The following DPP6 variants were observed in gnomAD, a reference collection of about 807,000 sequenced individuals.
DPP6 encodes A-type potassium channel modulatory protein DPP6.
In DPP6, 69 loss-of-function variants were observed where a neutral mutation model predicts 122.6. That is an observed-to-expected ratio of 0.56 (90% CI 0.46 to 0.69). The LOEUF (loss-of-function observed/expected upper bound fraction) is 0.69, where lower values mean the gene tolerates loss of function less well. Ranked by LOEUF, DPP6 falls within the 30% of genes least tolerant of loss-of-function variation. The pLI, the probability that DPP6 is intolerant of heterozygous loss-of-function variation, is 0.00. For missense variants in DPP6, 928 were observed against 1,116.9 expected (o/e 0.83, Z 2.41); for synonymous variants, 418 against 433.1 (o/e 0.97, Z 0.43).
chr7:154,841,587 TTTC>T (rs1182101950), intron 16 of DPP6, among the ~76,000 whole-genome samples: 2 of 151,364 alleles, frequency 1.3e-5, no homozygotes, highest in Non-Finnish European at 2.9e-5. Context: ...AACCTTCTCT[TTTC>T]TTCTTTTTTT....
chr7:154,293,799 G>T (rs763260405), intron 1 of DPP6, among the ~76,000 whole-genome samples: 4 of 152,184 alleles, frequency 2.6e-5, no homozygotes, highest in Non-Finnish European at 4.4e-5. Flanking sequence ...ACCTATCTAA[G>T]TGTATCACAT....
At chr7:154,264,271 A>T (rs532738155) in intron 1 of DPP6, among the ~76,000 whole-genome samples, 2 of 152,228 alleles carry the variant, frequency 1.3e-5, no homozygotes, top group Non-Finnish European at 2.9e-5. Context: ...ACAACATGAC[A>T]TGCATACAAT....
intron 1 of DPP6, among the ~76,000 whole-genome samples, chr7:154,377,649 G>C (rs1391997425): frequency 6.6e-6 from 1 of 152,104 alleles, no homozygotes; most frequent in Non-Finnish European, 1.5e-5. Flanking sequence ...TCACCCTCCT[G>C]CTTCACTGTG....
intron 7 of DPP6, among the ~76,000 whole-genome samples, chr7:154,677,751 G>A (rs1839005599): frequency 1.3e-5 from 2 of 152,226 alleles, no homozygotes; most frequent in Admixed American, 6.5e-5. Flanking sequence ...AGGGCAGGCT[G>A]GGTGCAGCCA....
intron 1 of DPP6, among the ~76,000 whole-genome samples, chr7:154,164,167 G>A (rs1337429297): frequency 6.6e-6 from 1 of 150,386 alleles, no homozygotes; most frequent in Non-Finnish European, 1.5e-5. Context: ...TTCTGACTAT[G>A]GTCTAAGAGT....
At chr7:154,415,205 A>G (rs552090340) in intron 1 of DPP6, among the ~76,000 whole-genome samples, 1 of 152,308 alleles carries the variant, frequency 6.6e-6, no homozygotes, top group East Asian at 1.9e-4. Flanking sequence ...GGTACATGTT[A>G]TATTCACATG....
intron 1 of DPP6, among the ~76,000 whole-genome samples, chr7:153,927,004 A>ATT (rs1205041413): frequency 1.6e-4 from 23 of 146,018 alleles, no homozygotes; most frequent in African/African-American, 4.7e-4. Context: ...TTTAAGTTAA[A>ATT]TTTTTTTTTT....
intron 8 of DPP6, 49 bp downstream of exon 8, chr7:154,727,936 T>C (rs369719933): frequency 2.6e-6 from 4 of 1,538,492 alleles, no homozygotes; most frequent in Non-Finnish European, 3.5e-6. Flanking sequence ...TTGCTGCTGC[T>C]GCTACATTGG....
At chr7:154,079,628 G>T (rs1333357613) in intron 1 of DPP6, among the ~76,000 whole-genome samples, 2 of 152,104 alleles carry the variant, frequency 1.3e-5, no homozygotes, top group African/African-American at 2.4e-5. Flanking sequence ...GTGGGCCAGG[G>T]TTGGGAGGGT....
At chr7:154,286,153 C>T (rs1418538541) in intron 1 of DPP6, among the ~76,000 whole-genome samples, 2 of 152,140 alleles carry the variant, frequency 1.3e-5, no homozygotes, top group African/African-American at 4.8e-5. Context: ...CTGAGCAGCG[C>T]ACTGAGATTT....
At chr7:154,180,647 G>A (rs776661338) in intron 1 of DPP6, among the ~76,000 whole-genome samples, 25 of 150,798 alleles carry the variant, frequency 1.7e-4, no homozygotes, top group African/African-American at 5.6e-4. Flanking sequence ...TGAATATCCC[G>A]TTTTTTTACT....
chr7:154,855,438 C>G (rs1563287076), intron 17 of DPP6, among the ~76,000 whole-genome samples: 1 of 152,226 alleles, frequency 6.6e-6, no homozygotes, highest in African/African-American at 2.4e-5. Flanking sequence ...TGCTCCTCCC[C>G]AGAGGAGGGG....
the DPP6 span, among the ~76,000 whole-genome samples, chr7:153,867,867 T>C: frequency 2.0e-5 from 3 of 152,236 alleles, no homozygotes; most frequent in Admixed American, 6.5e-5. Context: ...TGAAGGGTTG[T>C]TGAATTTTAT....
At chr7:154,268,003 ATATT>A (rs1563392046) in intron 1 of DPP6, among the ~76,000 whole-genome samples, 2 of 152,022 alleles carry the variant, frequency 1.3e-5, no homozygotes, top group African/African-American at 4.8e-5. Flanking sequence ...GTGCATGTAT[ATATT>A]TATCCCTTAC....
At chr7:154,343,599 G>T (rs1810116684) in intron 1 of DPP6, among the ~76,000 whole-genome samples, 1 of 152,126 alleles carries the variant, frequency 6.6e-6, no homozygotes, top group African/African-American at 2.4e-5. Context: ...TTTTGTTTTT[G>T]AAACAGAGTC....
At chr7:154,238,123 C>G (rs919952922) in intron 1 of DPP6, among the ~76,000 whole-genome samples, 1 of 152,184 alleles carries the variant, frequency 6.6e-6, no homozygotes, top group African/African-American at 2.4e-5. Flanking sequence ...TTTAATAACA[C>G]CATCTGCCAG....
chr7:154,332,661 T>A (rs1585968830), intron 1 of DPP6, among the ~76,000 whole-genome samples: 2 of 152,364 alleles, frequency 1.3e-5, no homozygotes, highest in African/African-American at 4.8e-5. Context: ...GGAAATCTGG[T>A]AAATAAAGGA....
At chr7:153,852,391 A>G in the DPP6 span, among the ~76,000 whole-genome samples, 1 of 152,010 alleles carries the variant, frequency 6.6e-6, no homozygotes, top group Admixed American at 6.6e-5. Flanking sequence ...GCAAAGGGGG[A>G]GCAGGCATCT....
chr7:153,759,102 T>G, the DPP6 span, among the ~76,000 whole-genome samples: 1 of 152,090 alleles, frequency 6.6e-6, no homozygotes, highest in East Asian at 1.9e-4. Context: ...TGGTGCAGTT[T>G]AAATTTGTAT....
Sources: gnomAD v4.1 joint callset for allele counts (sites outside exome capture counted in the v4.1 genomes callset) on GRCh38, gnomAD v4.1.1 for gene constraint, MANE v1.5 for transcripts, NCBI Gene and HGNC (gene_info 2026-07-23, HGNC 2026-07-21) for gene names.